Variants in MYOM1 observed in about 807,000 individuals in gnomAD.
MYOM1 encodes the protein myomesin-1.
Under a neutral mutation model 205.3 loss-of-function variants are expected in MYOM1, and 164 were observed. The observed-to-expected ratio is 0.80, with a 90% CI of 0.70 to 0.91. The LOEUF is 0.91. Ranked by LOEUF, MYOM1 falls within the 40% of genes least tolerant of loss-of-function variation. The probability of loss-of-function intolerance (pLI) is 0.00; values close to 1 mark genes in which losing one functional copy is unlikely to be tolerated. For missense variants in MYOM1, 2,011 were observed against 2,127.3 expected, an observed-to-expected ratio of 0.95 and a Z score of 1.08; for synonymous variants, 772 against 789.4, an observed-to-expected ratio of 0.98 and a Z score of 0.37.
intron 13 of MYOM1, 114 bp from the exon 14 acceptor site, chr18:3,142,177 T>C: frequency 8.1e-7 from 1 of 1,239,818 alleles, no homozygotes; most frequent in African/African-American, 1.5e-5. Flanking sequence ...CTCCACAGTT[T>C]AAAGAAGTAC....
the MYOM1 span, among the ~76,000 whole-genome samples, chr18:3,239,611 C>T: frequency 1.3e-5 from 2 of 151,762 alleles, no homozygotes; most frequent in African/African-American, 2.4e-5. Context: ...CAAAAATTAG[C>T]CAGGTGTAGT....
rs8096115 is a variant in MYOM1, at chr18:3,112,098, G to A, written c.3418+200C>T. Among the ~76,000 whole-genome samples the A allele has an allele frequency of 0.36, 55,363 of 152,226 alleles. 10,575 individuals carry two copies. The highest frequency in any genetic ancestry group is 0.46 in the African/African-American group (19,118 of 41,522). On this transcript the variant is annotated intron_variant, in intron 22 of 37. Transcript: ENST00000356443. The stretch of plus-strand genomic sequence containing the variant: ...TGCATCAGAACAGCCCCTAGACCAC[G>A]TCAAACCTGGCTCAACCCTGTCCTG...
the MYOM1 span, among the ~76,000 whole-genome samples, chr18:3,235,602 T>C: frequency 9.9e-5 from 15 of 152,246 alleles, no homozygotes; most frequent in African/African-American, 3.4e-4. Flanking sequence ...TGCATCTTTA[T>C]ACATTGAATG....
At chr18:3,191,747 G>C (rs553168331) in intron 3 of MYOM1, among the ~76,000 whole-genome samples, 50 of 151,382 alleles carry the variant, frequency 3.3e-4, no homozygotes, top group African/African-American at 1.1e-3. Flanking sequence ...CCAGGCTGGA[G>C]TGCAGTGGCG....
At chr18:3,089,074 T>C in intron 29 of MYOM1, 100 bp downstream of exon 29, 1 of 707,700 alleles carries the variant, frequency 1.4e-6, no homozygotes, top group Non-Finnish European at 2.4e-6. Context: ...CCACTTATCA[T>C]TTTGGCTCAG....
At chr18:3,072,442 C>T (rs1448063899) in intron 36 of MYOM1, among the ~76,000 whole-genome samples, 2 of 148,904 alleles carry the variant, frequency 1.3e-5, no homozygotes, top group African/African-American at 5.0e-5. Flanking sequence ...CGACCTCCGC[C>T]TCCCAGGTTC....
At chr18:3,072,056 T>TG (rs1310585299) in intron 36 of MYOM1, among the ~76,000 whole-genome samples, 167 bp from the exon 37 acceptor site, 1 of 143,056 alleles carries the variant, frequency 7.0e-6, no homozygotes, top group Non-Finnish European at 1.5e-5. Context: ...GATTCAGGAT[T>TG]TTTTTTTTTT....
intron 3 of MYOM1, among the ~76,000 whole-genome samples, chr18:3,193,325 T>G (rs2080941299): frequency 1.4e-5 from 2 of 144,872 alleles, no homozygotes; most frequent in Admixed American, 1.4e-4. Context: ...TATATGTACA[T>G]ATACATATAT....
intron 17 of MYOM1, 131 bp from the exon 18 acceptor site, chr18:3,129,650 C>A: frequency 1.0e-6 from 1 of 952,914 alleles, no homozygotes; most frequent in Non-Finnish European, 1.5e-6. Flanking sequence ...TAAAGAAAAT[C>A]GCTCACATTT....
intron 2 of MYOM1, among the ~76,000 whole-genome samples, chr18:3,199,942 C>T (rs1238341662): frequency 6.9e-6 from 1 of 145,678 alleles, no homozygotes; most frequent in Non-Finnish European, 1.5e-5. Context: ...TGTTTGGGCA[C>T]AATGTCTGAC....
intron 34 of MYOM1, among the ~76,000 whole-genome samples, chr18:3,077,597 C>G (rs906563802): frequency 4.6e-5 from 7 of 152,174 alleles, no homozygotes; most frequent in African/African-American, 1.7e-4. Flanking sequence ...CCGAGCCAAT[C>G]TGTGCTTGGT....
chr18:3,094,823 G>A (rs778249276), intron 25 of MYOM1, among the ~76,000 whole-genome samples: 2 of 151,508 alleles, frequency 1.3e-5, no homozygotes, highest in African/African-American at 2.4e-5. Context: ...CACCACATTC[G>A]GCTAGTTTTT....
chr18:3,113,292 T>G (rs12962304), intron 21 of MYOM1, among the ~76,000 whole-genome samples: 119,277 of 141,702 alleles, frequency 0.84, 49,515 homozygotes, highest in East Asian at 0.98. Flanking sequence ...GTGTATGTGT[T>G]TGTGTCTATA....
Position 3,134,664 on chromosome 18 carries a change from G to A in MYOM1, c.2370C>T (p.Pro790=), listed in dbSNP as rs199745495. 1.2e-5 allele frequency: 19 copies of A among 1,612,888 alleles called. No homozygotes were observed. The East Asian group carries it at 1.8e-4, about 15-fold the overall frequency. Residue 790 remains proline (P), a synonymous_variant, in exon 16 of 38, where the codon CCC becomes CCT. Transcript: ENST00000356443. The part of the protein sequence containing the change: ...SGKWEPCNNN[P]VKGSRFTCHG... ...GACTGAGTTACCGTGAGCCCTTCAC[G>A]GGGTTGTTGTTACAGGGCTCCCACT...
chr18:3,214,488 T>C (rs1473849771), intron 2 of MYOM1, among the ~76,000 whole-genome samples: 1 of 152,190 alleles, frequency 6.6e-6, no homozygotes, highest in African/African-American at 2.4e-5. Flanking sequence ...ACAAGGTCTG[T>C]CTGCACACTT....
Position 3,149,788 on chromosome 18 carries a change from C to T in MYOM1, c.1844-587G>A, listed in dbSNP as rs548736298. ...AAATTCACTTGTATGATCCCATAAA[C>T]ATCAGAAAGACAGAGTAGTTCTACT... On this transcript the variant is annotated intron_variant, in intron 12 of 37. Transcript: ENST00000356443. Among the ~76,000 whole-genome samples the T allele has an allele frequency of 1.0e-3, 158 of 152,234 alleles. 1 individual carries two copies. The highest frequency in any genetic ancestry group is 3.3e-3 in the African/African-American group (139 of 41,542).
intron 10 of MYOM1, among the ~76,000 whole-genome samples, chr18:3,156,368 A>G (rs1282479572): frequency 6.6e-6 from 1 of 152,240 alleles, no homozygotes; most frequent in Non-Finnish European, 1.5e-5. Context: ...ATAACATAGC[A>G]GAAATATCTG....
chr18:3,108,225 CTGCAA>C (rs1362432965), intron 22 of MYOM1, among the ~76,000 whole-genome samples: 33 of 152,198 alleles, frequency 2.2e-4, no homozygotes, highest in African/African-American at 7.7e-4. Context: ...AAATTCTCAA[CTGCAA>C]TGCTGCAGTC....
At chr18:3,127,247 T>C (rs1387592098) in intron 18 of MYOM1, among the ~76,000 whole-genome samples, 1 of 146,876 alleles carries the variant, frequency 6.8e-6, no homozygotes, top group Non-Finnish European at 1.5e-5. Context: ...AATGTGTATA[T>C]CAATTTCTGC....
Sources: allele counts gnomAD v4.1 joint callset (sites outside exome capture counted in the v4.1 genomes callset), GRCh38; gene constraint gnomAD v4.1.1; transcripts MANE v1.5; gene names NCBI Gene and HGNC (gene_info 2026-07-23, HGNC 2026-07-21).